Variants in ECT2L observed in about 807,000 individuals in gnomAD.
ECT2L encodes epithelial cell transforming 2 like.
ECT2L carries 126 observed loss-of-function variants against 122.8 expected under a neutral mutation model. The ratio of observed to expected loss-of-function variants is 1.03; its 90% CI spans 0.89 to 1.19. ECT2L has a LOEUF of 1.19. ECT2L is among the 50% of genes most tolerant of loss of function. ECT2L has a pLI of 0.00. For missense variants in ECT2L, 1,012 were observed against 1,064.1 expected, an observed-to-expected ratio of 0.95 and a Z score of 0.68; for synonymous variants, 385 against 381.8, an observed-to-expected ratio of 1.01 and a Z score of -0.10.
At chr6:138,829,270 C>T (rs138194056) in intron 4 of ECT2L, among the ~76,000 whole-genome samples, 198 of 152,216 alleles carry the variant, frequency 1.3e-3, no homozygotes, top group Non-Finnish European at 6.6e-4. Flanking sequence ...TGTTTCCTTT[C>T]GGTGGGAAAT....
intron 13 of ECT2L, among the ~76,000 whole-genome samples, chr6:138,875,586 T>TA (rs909629904): frequency 6.6e-6 from 1 of 152,126 alleles, no homozygotes; most frequent in Non-Finnish European, 1.5e-5. Flanking sequence ...TGGAGGGCTT[T>TA]AAAAAAATGT....
chr6:138,825,562 G>A (rs1776417885), intron 4 of ECT2L, among the ~76,000 whole-genome samples: 2 of 152,026 alleles, frequency 1.3e-5, no homozygotes, highest in African/African-American at 2.4e-5. Context: ...CAGCCTGGGC[G>A]ACAGAGCAGG....
intron 8 of ECT2L, among the ~76,000 whole-genome samples, chr6:138,848,015 GAGA>G (rs1456490585): frequency 6.6e-6 from 1 of 152,200 alleles, no homozygotes; most frequent in Non-Finnish European, 1.5e-5. Flanking sequence ...CAGCAGGAGA[GAGA>G]AGAATGAGCA....
intron 20 of ECT2L, among the ~76,000 whole-genome samples, chr6:138,899,500 G>A (rs1448985138): frequency 6.6e-6 from 1 of 151,940 alleles, no homozygotes; most frequent in Non-Finnish European, 1.5e-5. Context: ...TACGTACTAG[G>A]TTGATAACTT....
chr6:138,850,216 C>G (rs1162103973), intron 9 of ECT2L, among the ~76,000 whole-genome samples: 1 of 152,098 alleles, frequency 6.6e-6, no homozygotes, highest in East Asian at 1.9e-4. Context: ...TCTCAGCTCA[C>G]TGCAACCTCT....
At chr6:138,872,131 C>A (rs117666518) in intron 13 of ECT2L, among the ~76,000 whole-genome samples, 1 of 152,132 alleles carries the variant, frequency 6.6e-6, no homozygotes, top group African/African-American at 2.4e-5. Context: ...TGAGCCACCA[C>A]GCCTGGCCAT....
chr6:138,885,650 C>T, intron 17 of ECT2L, 24 bp from the exon 18 acceptor site: 9 of 1,613,804 alleles, frequency 5.6e-6, no homozygotes, highest in Non-Finnish European at 7.6e-6. Context: ...GAGACCAGAG[C>T]TCCCTTCTCT....
At chr6:138,814,672 C>A in intron 4 of ECT2L, 69 bp downstream of exon 4, 10 of 929,952 alleles carry the variant, frequency 1.1e-5, no homozygotes, top group South Asian at 3.8e-5. Context: ...GTTTATATAA[C>A]CTTTAAGAGA....
At chr6:138,890,511 T>TTTTTTTTTTTTTTTTTTTTTTTTTTTC (rs1778984660) in intron 20 of ECT2L, among the ~76,000 whole-genome samples, 1 of 104,316 alleles carries the variant, frequency 9.6e-6, no homozygotes, top group Non-Finnish European at 2.3e-5. Context: ...TTTTTTTTTT[T>TTTTTTTTTTTTTTTTTTTTTTTTTTTC]TTTTTTTTTG....
At chr6:138,893,333 GC>G (rs1779101309) in intron 20 of ECT2L, among the ~76,000 whole-genome samples, 1 of 151,560 alleles carries the variant, frequency 6.6e-6, no homozygotes, top group African/African-American at 2.4e-5. Context: ...TTGAGGTCAG[GC>G]CTTTGTTAAG....
chr6:138,844,277 C>A, intron 6 of ECT2L, 135 bp from the exon 7 acceptor site: 2 of 971,458 alleles, frequency 2.1e-6, no homozygotes, highest in African/African-American at 1.6e-5. Flanking sequence ...AAACCGAGTG[C>A]ATGAAAATGG....
At chr6:138,865,669 C>G (rs989055722) in intron 12 of ECT2L, among the ~76,000 whole-genome samples, 3 of 152,204 alleles carry the variant, frequency 2.0e-5, no homozygotes, top group Admixed American at 6.5e-5. Flanking sequence ...ACACCCCAGC[C>G]CCATGACGGA....
chr6:138,885,471 C>T (rs1236814027), intron 16 of ECT2L, 35 bp from the exon 17 acceptor site: 8 of 1,600,370 alleles, frequency 5.0e-6, no homozygotes, highest in Non-Finnish European at 6.9e-6. Flanking sequence ...ACAACTATCT[C>T]ATAAAGTTTT....
rs896929135 is a variant in ECT2L at position 138,869,029 on chromosome 6, T to C, written c.1578+823T>C. Among the ~76,000 whole-genome samples the C allele has an allele frequency of 5.9e-5, 9 of 152,296 alleles. No individual in the cohort carries two copies. In the East Asian group the frequency reaches 9.7e-4, roughly 16 times the overall value. Reference sequence around the variant, plus strand: ...TAAAAATACAAAAACTAGCCGGGCATGGTGGCGGGCACCTGTAATCCCAGC... The same window carrying C: ...TAAAAATACAAAAACTAGCCGGGCACGGTGGCGGGCACCTGTAATCCCAGC... On this transcript the variant is annotated intron_variant, in intron 13 of 21. Coordinates refer to ENST00000541398, the MANE Select transcript of ECT2L (RefSeq NM_001077706.3).
At chr6:138,900,595 C>T (rs1176983927) in intron 20 of ECT2L, among the ~76,000 whole-genome samples, 1 of 152,142 alleles carries the variant, frequency 6.6e-6, no homozygotes, top group African/African-American at 2.4e-5. Flanking sequence ...CTTCAGATTG[C>T]CCAAATACAT....
At chr6:138,900,838 G>GT (rs1401388949) in intron 20 of ECT2L, 110 bp from the exon 21 acceptor site, 2 of 1,149,654 alleles carry the variant, frequency 1.7e-6, no homozygotes, top group Middle Eastern at 2.0e-4. Flanking sequence ...CAAAATGTCA[G>GT]TAGTGGGGTA....
At chr6:138,797,644 G>GA (rs147737188) in intron 1 of ECT2L, among the ~76,000 whole-genome samples, 25,300 of 146,946 alleles carry the variant, frequency 0.17, 2,709 homozygotes, top group Middle Eastern at 0.33. Context: ...GTTCTGAGAG[G>GA]AAAAAAAAAA....
intron 13 of ECT2L, 73 bp downstream of exon 13, chr6:138,868,279 ATTT>A: frequency 7.2e-7 from 1 of 1,386,532 alleles, no homozygotes; most frequent in Non-Finnish European, 1.0e-6. Flanking sequence ...GTTATTATTA[ATTT>A]TTTTGACCAG....
At position 138,881,205 on chromosome 6, in the gene ECT2L, A is replaced by G. The variant is rs753419620; in HGVS notation, c.1880+34A>G. The G allele has an allele frequency of 1.2e-5, 19 of 1,579,832 alleles. 1 individual carries two copies. The Admixed American group carries it at 2.8e-4, about 23-fold the overall frequency. ...TGAATATGTATTTTTTTTAATATTC[A>G]TTGTGCACTGAGAAGAGCCCATGCT... is the stretch of plus-strand genomic sequence containing the variant. On this transcript the variant is annotated intron_variant, in intron 15 of 21. Transcript: ENST00000541398.
Sources: gnomAD v4.1 joint callset for allele counts (sites outside exome capture counted in the v4.1 genomes callset) on GRCh38, gnomAD v4.1.1 for gene constraint, MANE v1.5 for transcripts, NCBI Gene and HGNC (gene_info 2026-07-23, HGNC 2026-07-21) for gene names.